CSMD2: variants seen among roughly 807,000 people sequenced by gnomAD.
CSMD2 encodes the protein CUB and sushi domain-containing protein 2.
In CSMD2, 130 loss-of-function variants were observed where a neutral mutation model predicts 398.5. The ratio of observed to expected loss-of-function variants is 0.33; its 90% CI spans 0.28 to 0.38. CSMD2 has a LOEUF of 0.38. CSMD2 is among the 10% of genes least tolerant of loss of function. The pLI is 1.00. For missense variants in CSMD2, 3,829 were observed against 4,764.9 expected (o/e 0.80, Z 5.78); for synonymous variants, 1,828 against 1,908.5 (o/e 0.96, Z 1.10).
At chr1:33,910,151 A>G (rs1643370063) in intron 5 of CSMD2, among the ~76,000 whole-genome samples, 1 of 152,214 alleles carries the variant, frequency 6.6e-6, no homozygotes, top group Non-Finnish European at 1.5e-5. Context: ...CTTAAAATTC[A>G]GAATGATTAT....
intron 25 of CSMD2, among the ~76,000 whole-genome samples, chr1:33,687,904 AAAC>A: frequency 6.6e-6 from 1 of 152,240 alleles, no homozygotes; most frequent in East Asian, 1.9e-4. Flanking sequence ...AAAGAACCAG[AAAC>A]AGCAAAGACA....
At chr1:34,007,078 C>A (rs1156306518) in intron 3 of CSMD2, among the ~76,000 whole-genome samples, 2 of 152,056 alleles carry the variant, frequency 1.3e-5, no homozygotes, top group Admixed American at 6.6e-5. Flanking sequence ...TCTGGTGGAA[C>A]CTAAAAAAGG....
intron 2 of CSMD2, among the ~76,000 whole-genome samples, chr1:34,075,463 G>A (rs1656222870): frequency 6.6e-6 from 1 of 152,234 alleles, no homozygotes; most frequent in African/African-American, 2.4e-5. Context: ...CAAAACAGGT[G>A]TCTGACGCCA....
intron 5 of CSMD2, among the ~76,000 whole-genome samples, chr1:33,874,395 G>A (rs1207992138): frequency 6.6e-6 from 1 of 152,214 alleles, no homozygotes; most frequent in Non-Finnish European, 1.5e-5. Flanking sequence ...AGCAGGTTAG[G>A]TGCTCAGTTC....
At chr1:33,578,605 AC>A (rs1338903715) in intron 48 of CSMD2, among the ~76,000 whole-genome samples, 8 of 152,026 alleles carry the variant, frequency 5.3e-5, no homozygotes, top group African/African-American at 1.9e-4. Flanking sequence ...AAAAAACAAA[AC>A]AAAAAATCCC....
chr1:33,547,883 G>A (rs945384382), intron 56 of CSMD2, among the ~76,000 whole-genome samples: 2 of 152,216 alleles, frequency 1.3e-5, no homozygotes, highest in Non-Finnish European at 2.9e-5. Flanking sequence ...ACGTGGTTTG[G>A]CTCTGTGTCC....
chr1:33,752,896 AG>A (rs1648455877), intron 13 of CSMD2, among the ~76,000 whole-genome samples: 1 of 152,198 alleles, frequency 6.6e-6, no homozygotes, highest in Non-Finnish European at 1.5e-5. Context: ...TCCATATCCT[AG>A]GGCTTTTTGC....
chr1:33,667,184 C>G (rs1239350139), intron 25 of CSMD2, among the ~76,000 whole-genome samples: 1 of 152,092 alleles, frequency 6.6e-6, no homozygotes, highest in African/African-American at 2.4e-5. Context: ...CATGTGAAAT[C>G]CTGAGGGTGA....
chr1:33,571,593 C>G lies in CSMD2; in HGVS notation c.7896G>C (p.Arg2632Ser), dbSNP rs1395741186. 1 of 1,569,968 alleles carries G rather than the reference C, an allele frequency of 6.4e-7. No homozygotes were observed. The highest frequency in any genetic ancestry group is 1.3e-5 in the African/African-American group (1 of 74,246). ...CDPGYYYTGQ[R>S]VIRCQANGKW... The stretch of plus-strand genomic sequence containing the variant: ...TGCCATTGGCCTGACAGCGGATGAC[C>G]CTTTGGCCAGTATAGTAGTAGCCAG... Residue 2632 changes from arginine to serine, a missense_variant, in exon 51 of 71, where the codon AGG (arginine) becomes AGC (serine). Transcript: ENST00000373381.
intron 5 of CSMD2, among the ~76,000 whole-genome samples, chr1:33,908,729 T>TA (rs1643274432): frequency 6.6e-6 from 1 of 152,234 alleles, no homozygotes; most frequent in African/African-American, 2.4e-5. Context: ...ATACTCCATG[T>TA]AGAGTGCTGG....
At chr1:33,903,428 T>A (rs1642881938) in intron 5 of CSMD2, among the ~76,000 whole-genome samples, 1 of 152,088 alleles carries the variant, frequency 6.6e-6, no homozygotes. Flanking sequence ...AGTTTGCTGA[T>A]TAATTATTAA....
At chr1:33,945,857 G>C (rs1179815648) in intron 3 of CSMD2, among the ~76,000 whole-genome samples, 2 of 152,122 alleles carry the variant, frequency 1.3e-5, no homozygotes. Flanking sequence ...AATATATCTA[G>C]ACAGAAAAAC....
At chr1:33,796,971 G>A (rs548168560) in intron 10 of CSMD2, among the ~76,000 whole-genome samples, 2 of 152,224 alleles carry the variant, frequency 1.3e-5, no homozygotes, top group East Asian at 3.9e-4. Flanking sequence ...AGGCTTATTA[G>A]GGTGGCGAAA....
chr1:33,601,872 T>C (rs1000734334), intron 43 of CSMD2, among the ~76,000 whole-genome samples: 4 of 152,262 alleles, frequency 2.6e-5, no homozygotes, highest in Non-Finnish European at 5.9e-5. Flanking sequence ...AAGTACTCTG[T>C]AGCCAGTGGC....
chr1:34,160,205 T>C (rs1365511585), intron 1 of CSMD2, among the ~76,000 whole-genome samples: 1 of 152,230 alleles, frequency 6.6e-6, no homozygotes, highest in East Asian at 1.9e-4. Flanking sequence ...TGGTGCATGA[T>C]TCTAATCTCA....
chr1:33,950,383 CAGAGAGAGAGAGAGAGAG>C (rs3045848), intron 3 of CSMD2, among the ~76,000 whole-genome samples: 54 of 133,892 alleles, frequency 4.0e-4, no homozygotes, highest in African/African-American at 1.5e-3. Flanking sequence ...TCTCCTCCAG[CAGAGAGAGAGAGAGAGAG>C]AGAGAGAGAG....
In CSMD2 at chr1:33,792,487, C is replaced by T. The variant is rs137952575; in HGVS notation, c.1486G>A (p.Gly496Ser). The change falls in exon 11 of 71, where the codon GGC becomes AGC. Residue 496 changes from glycine (G) to serine (S), a missense_variant. Around this residue, in one of 5 missense-constraint regions of CSMD2, gnomAD observed 2,001 missense variants for 2,567.1 expected, o/e 0.78. Transcript: ENST00000373381. ...LAFEEFDLER[G>S]YDTLTVGDGG... ...TCACCGACCGTCAGGGTGTCATAGC[C>T]CCTCTCCAAATCAAACTCCTCAAAG... The T allele has an allele frequency of 3.2e-5, 52 of 1,613,942 alleles. No individual in the cohort carries two copies. In the African/African-American group the frequency reaches 6.3e-4, roughly 19 times the overall value.
intron 37 of CSMD2, among the ~76,000 whole-genome samples, chr1:33,619,288 C>CT (rs1286157422): frequency 6.6e-6 from 1 of 152,210 alleles, no homozygotes; most frequent in East Asian, 1.9e-4. Context: ...CTTGGCCCTT[C>CT]TGGAGGCTCC....
At chr1:33,929,407 T>C (rs994747027) in intron 4 of CSMD2, among the ~76,000 whole-genome samples, 1 of 149,348 alleles carries the variant, frequency 6.7e-6, no homozygotes, top group Non-Finnish European at 1.5e-5. Flanking sequence ...CCTGGTTGCC[T>C]CCTGAACTCA....
Sources: gnomAD v4.1 joint callset for allele counts (sites outside exome capture counted in the v4.1 genomes callset) on GRCh38, gnomAD v4.1.1 for gene constraint, gnomAD v4.1.1 regional missense constraint, MANE v1.5 for transcripts, NCBI Gene and HGNC (gene_info 2026-07-23, HGNC 2026-07-21) for gene names.